The following KLHL1 variants were observed in gnomAD, a reference collection of about 807,000 sequenced individuals.
KLHL1 encodes kelch like family member 1.
A neutral mutation model predicts 77.7 loss-of-function variants in KLHL1; 47 were observed. The observed-to-expected ratio is 0.60, with a 90% CI of 0.48 to 0.77. KLHL1 has a LOEUF of 0.77. KLHL1 is among the 30% of genes least tolerant of loss of function. KLHL1 has a pLI of 0.00. For synonymous variants in KLHL1, 360 were observed against 325.2 expected (o/e 1.11, Z -1.15); for missense variants, 925 against 910.8 (o/e 1.02, Z -0.20).
intron 5 of KLHL1, among the ~76,000 whole-genome samples, chr13:69,870,027 A>G (rs780636624): frequency 4.4e-4 from 67 of 152,194 alleles, no homozygotes; most frequent in Admixed American, 8.5e-4. Context: ...GATAGGTTTT[A>G]GACATTATAA....
intron 5 of KLHL1, among the ~76,000 whole-genome samples, chr13:69,844,703 G>C (rs1879388996): frequency 6.6e-6 from 1 of 151,616 alleles, no homozygotes; most frequent in South Asian, 2.1e-4. Flanking sequence ...TTGCCAGTTT[G>C]TTATAAAATG....
At chr13:69,846,068 C>A (rs946142490) in intron 5 of KLHL1, among the ~76,000 whole-genome samples, 1 of 151,384 alleles carries the variant, frequency 6.6e-6, no homozygotes, top group African/African-American at 2.4e-5. Context: ...TAATATACTT[C>A]TATCATACAA....
chr13:69,788,612 G>A (rs906274132), intron 7 of KLHL1, among the ~76,000 whole-genome samples: 2 of 152,056 alleles, frequency 1.3e-5, no homozygotes, highest in Admixed American at 6.6e-5. Context: ...GTATGCATAT[G>A]TAACAAACCT....
At chr13:69,922,216 G>A (rs1350199586) in intron 4 of KLHL1, among the ~76,000 whole-genome samples, 1 of 151,992 alleles carries the variant, frequency 6.6e-6, no homozygotes, top group African/African-American at 2.4e-5. Flanking sequence ...CAATGTGCTC[G>A]GATTACTTGT....
intron 1 of KLHL1, among the ~76,000 whole-genome samples, chr13:70,068,339 TCAAAAACAAAAACAAAAA>T (rs72187113): frequency 6.7e-6 from 1 of 148,804 alleles, no homozygotes; most frequent in Non-Finnish European, 1.5e-5. Context: ...AGACTCCGTC[TCAAAAACAAAAACAAAAA>T]CAAAAACAAA....
intron 7 of KLHL1, among the ~76,000 whole-genome samples, chr13:69,773,345 A>C (rs1372458173): frequency 6.6e-6 from 1 of 152,038 alleles, no homozygotes; most frequent in Non-Finnish European, 1.5e-5. Flanking sequence ...AGAAAGTCTG[A>C]TCAAGCATCA....
intron 1 of KLHL1, among the ~76,000 whole-genome samples, chr13:70,038,172 A>G (rs1260098957): frequency 6.6e-6 from 1 of 152,152 alleles, no homozygotes; most frequent in East Asian, 1.9e-4. Flanking sequence ...GTGACCTTTG[A>G]GATTTTATAG....
intron 7 of KLHL1, among the ~76,000 whole-genome samples, chr13:69,773,628 T>C (rs1875684715): frequency 1.3e-5 from 2 of 152,018 alleles, no homozygotes; most frequent in East Asian, 1.9e-4. Flanking sequence ...CCTACATTAT[T>C]AGGTGACTCT....
chr13:70,060,762 C>G (rs564661390), intron 1 of KLHL1, among the ~76,000 whole-genome samples: 159 of 152,096 alleles, frequency 1.0e-3, no homozygotes, highest in Non-Finnish European at 2.0e-3. Flanking sequence ...AAGAGAATCA[C>G]TTGAACCTGG....
rs141631329 is a variant in KLHL1, at chr13:69,949,723, T to C, written c.818-9487A>G. Among the ~76,000 whole-genome samples the C allele has an allele frequency of 2.6e-5, 4 of 151,938 alleles. No individual in the cohort carries two copies. The Admixed American group carries it at 2.6e-4, about 10-fold the overall frequency. On this transcript the variant is annotated intron_variant, in intron 3 of 10. Transcript: ENST00000377844. ...TCCATCATTTATTGGTGTATTCAAT[T>C]ATTTATATCAGTCATTTCACAGGAT...
intron 1 of KLHL1, among the ~76,000 whole-genome samples, chr13:70,100,398 C>T (rs1887897318): frequency 6.6e-6 from 1 of 151,966 alleles, no homozygotes; most frequent in Admixed American, 6.6e-5. Flanking sequence ...AAGCTTGCTA[C>T]ATTTTTTTGT....
At chr13:70,086,886 T>C (rs1371331197) in intron 1 of KLHL1, among the ~76,000 whole-genome samples, 2 of 152,012 alleles carry the variant, frequency 1.3e-5, no homozygotes, top group African/African-American at 4.8e-5. Context: ...AGGTGTCGAA[T>C]AGGATACAGC....
At chr13:69,808,970 A>ATC (rs1292270852) in intron 6 of KLHL1, among the ~76,000 whole-genome samples, 1 of 152,120 alleles carries the variant, frequency 6.6e-6, no homozygotes, top group Non-Finnish European at 1.5e-5. Flanking sequence ...AATTTCAGAG[A>ATC]TCAAAGACTA....
chr13:69,858,849 T>C (rs1449231678), intron 5 of KLHL1, among the ~76,000 whole-genome samples: 1 of 152,076 alleles, frequency 6.6e-6, no homozygotes, highest in Non-Finnish European at 1.5e-5. Flanking sequence ...AAAGAAAGAA[T>C]ACGTCCAGAG....
chr13:70,070,000 C>T (rs1181662022), intron 1 of KLHL1, among the ~76,000 whole-genome samples: 1 of 151,812 alleles, frequency 6.6e-6, no homozygotes, highest in Non-Finnish European at 1.5e-5. Context: ...AACCCCGTCT[C>T]CACTAAAAAC....
intron 7 of KLHL1, among the ~76,000 whole-genome samples, chr13:69,751,285 A>T (rs988709405): frequency 1.3e-5 from 2 of 151,984 alleles, no homozygotes; most frequent in Admixed American, 6.6e-5. Context: ...TTCTTCATCA[A>T]TCCATATTTC....
At chr13:69,761,640 T>A (rs1423713533) in intron 7 of KLHL1, among the ~76,000 whole-genome samples, 1 of 152,228 alleles carries the variant, frequency 6.6e-6, no homozygotes, top group Non-Finnish European at 1.5e-5. Context: ...GCCCTTTGGA[T>A]AAACTCCATG....
rs140079001 is a variant in KLHL1, at chr13:69,865,914, G to A, written c.1227+16369C>T. On this transcript the variant is annotated intron_variant, in intron 5 of 10. Coordinates refer to ENST00000377844, the MANE Select transcript of KLHL1 (RefSeq NM_020866.3). ...AATTTATTTATCTGCCCAATTTTAT[G>A]TGTATTTTAACATATTCTGAGAGTA... 6.4e-3 allele frequency among the ~76,000 whole-genome samples: 971 copies of A among 152,122 alleles called. 6 individuals carry two copies. The highest frequency in any genetic ancestry group is 0.022 in the African/African-American group (893 of 41,514).
chr13:69,925,651 A>T (rs1882791300), intron 4 of KLHL1, among the ~76,000 whole-genome samples: 2 of 143,738 alleles, frequency 1.4e-5, no homozygotes, highest in South Asian at 4.6e-4. Context: ...ATAGTTGTAA[A>T]TGATTTTTGC....
Sources: gnomAD v4.1 joint callset for allele counts (sites outside exome capture counted in the v4.1 genomes callset) on GRCh38, gnomAD v4.1.1 for gene constraint, MANE v1.5 for transcripts, NCBI Gene and HGNC (gene_info 2026-07-23, HGNC 2026-07-21) for gene names.